SDK1: variants seen among roughly 807,000 people sequenced by gnomAD.
SDK1 encodes the protein sidekick cell adhesion molecule 1.
In SDK1, 157 loss-of-function variants were observed where a neutral mutation model predicts 245.5. The observed-to-expected ratio is 0.64, with a 90% confidence interval of 0.56 to 0.73. The LOEUF is 0.73. SDK1 is among the 30% of genes least tolerant of loss of function. SDK1 has a pLI of 0.00. For missense variants in SDK1, 3,583 were observed against 3,002.3 expected, an observed-to-expected ratio of 1.19 and a Z score of -4.52; for synonymous variants, 1,647 against 1,278.5, an observed-to-expected ratio of 1.29 and a Z score of -6.15.
intron 4 of SDK1, among the ~76,000 whole-genome samples, chr7:3,755,011 T>C (rs1779879559): frequency 6.6e-6 from 1 of 152,214 alleles, no homozygotes; most frequent in Non-Finnish European, 1.5e-5. Context: ...GTGGGCTTGC[T>C]TCTGTGGAAA....
At chr7:4,148,336 C>T (rs1780125965) in intron 29 of SDK1, among the ~76,000 whole-genome samples, 1 of 152,192 alleles carries the variant, frequency 6.6e-6, no homozygotes, top group African/African-American at 2.4e-5. Context: ...AACAATTATT[C>T]CTTCCGCCGC....
At chr7:3,958,619 G>T (rs926005745) in intron 7 of SDK1, among the ~76,000 whole-genome samples, 5 of 152,172 alleles carry the variant, frequency 3.3e-5, no homozygotes, top group Admixed American at 1.3e-4. Flanking sequence ...ATAAAATACG[G>T]TGCTGTAAAT....
At chr7:3,663,076 C>G (rs1001104948) in intron 4 of SDK1, among the ~76,000 whole-genome samples, 3 of 152,128 alleles carry the variant, frequency 2.0e-5, no homozygotes, top group Non-Finnish European at 4.4e-5. Flanking sequence ...TCATTTTGGA[C>G]TTTGAAGGAG....
chr7:3,966,365 A>C (rs1782081406), intron 9 of SDK1, among the ~76,000 whole-genome samples: 1 of 152,120 alleles, frequency 6.6e-6, no homozygotes, highest in South Asian at 2.1e-4. Flanking sequence ...CCCTCACAGA[A>C]GACTTGAGAG....
intron 1 of SDK1, among the ~76,000 whole-genome samples, chr7:3,447,362 A>T (rs1254592117): frequency 6.6e-6 from 1 of 152,126 alleles, no homozygotes; most frequent in Admixed American, 6.5e-5. Context: ...TCTCCAACTG[A>T]TGTTAACATT....
chr7:3,782,810 T>C (rs1302801272), intron 4 of SDK1, among the ~76,000 whole-genome samples: 1 of 152,266 alleles, frequency 6.6e-6, no homozygotes, highest in Non-Finnish European at 1.5e-5. Context: ...ATTGTAAAGT[T>C]GAAAAATTCT....
chr7:4,177,559 A>G (rs140491207), intron 34 of SDK1, among the ~76,000 whole-genome samples: 10 of 152,274 alleles, frequency 6.6e-5, no homozygotes, highest in Admixed American at 1.3e-4. Flanking sequence ...GTCTTACTCT[A>G]TCTGTTCATA....
intron 13 of SDK1, among the ~76,000 whole-genome samples, chr7:3,982,335 G>A (rs1401121859): frequency 2.6e-5 from 4 of 152,194 alleles, no homozygotes; most frequent in African/African-American, 7.2e-5. Context: ...TGATGGGAAT[G>A]TACAAGGAGA....
intron 5 of SDK1, among the ~76,000 whole-genome samples, chr7:3,841,208 T>A (rs1046583905): frequency 6.6e-6 from 1 of 152,178 alleles, no homozygotes; most frequent in Non-Finnish European, 1.5e-5. Flanking sequence ...ATGTATCAGG[T>A]GATCCAGAAG....
At chr7:3,324,890 T>G (rs1365252317) in intron 1 of SDK1, among the ~76,000 whole-genome samples, 2 of 152,204 alleles carry the variant, frequency 1.3e-5, no homozygotes, top group African/African-American at 4.8e-5. Context: ...CCTCCCATGC[T>G]TCATTTTTCC....
intron 4 of SDK1, among the ~76,000 whole-genome samples, chr7:3,753,746 A>G (rs780294623): frequency 5.3e-5 from 8 of 152,174 alleles, no homozygotes; most frequent in Non-Finnish European, 1.2e-4. Flanking sequence ...TGGTTGGTGA[A>G]GTGGCTTTTG....
chr7:3,506,425 CTTTG>C (rs1412266115), intron 1 of SDK1, among the ~76,000 whole-genome samples: 2 of 151,950 alleles, frequency 1.3e-5, no homozygotes, highest in Non-Finnish European at 2.9e-5. Flanking sequence ...CAGGAATTTT[CTTTG>C]TTATTATTCT....
chr7:4,054,741 G>C (rs1220920636), intron 19 of SDK1, among the ~76,000 whole-genome samples: 1 of 151,928 alleles, frequency 6.6e-6, no homozygotes, highest in Non-Finnish European at 1.5e-5. Flanking sequence ...TCACTGTTAA[G>C]GATTTTTTTT....
intron 4 of SDK1, 115 bp downstream of exon 4, chr7:3,642,220 G>C (rs1782673381): frequency 1.1e-6 from 1 of 888,072 alleles, no homozygotes; most frequent in African/African-American, 1.7e-5. Flanking sequence ...GAGCAAACTA[G>C]TCTAGGAGTC....
intron 1 of SDK1, among the ~76,000 whole-genome samples, chr7:3,347,306 A>G (rs1780535125): frequency 6.6e-6 from 1 of 152,090 alleles, no homozygotes; most frequent in African/African-American, 2.4e-5. Context: ...TATATGGAGC[A>G]GTATTTTTAT....
At chr7:3,861,605 G>C (rs1006772438) in intron 5 of SDK1, among the ~76,000 whole-genome samples, 5 of 152,098 alleles carry the variant, frequency 3.3e-5, no homozygotes, top group Admixed American at 6.5e-5. Flanking sequence ...TCACCAGAAG[G>C]GATGTCTGTT....
chr7:4,188,484 A>G (rs1783012606), intron 35 of SDK1, among the ~76,000 whole-genome samples: 1 of 152,006 alleles, frequency 6.6e-6, no homozygotes, highest in African/African-American at 2.4e-5. Context: ...AGAGCTTCTT[A>G]TATATTAGGG....
At chr7:3,428,966 C>A (rs1415474835) in intron 1 of SDK1, among the ~76,000 whole-genome samples, 2 of 152,118 alleles carry the variant, frequency 1.3e-5, no homozygotes, top group Non-Finnish European at 2.9e-5. Context: ...AATGACTGGA[C>A]CTTAAGCTTC....
chr7:3,905,261 G>A (rs887110176), intron 5 of SDK1, among the ~76,000 whole-genome samples: 7 of 151,802 alleles, frequency 4.6e-5, no homozygotes, highest in Non-Finnish European at 7.4e-5. Flanking sequence ...ACATTTAAAC[G>A]ACTTTCACTA....
Sources: gnomAD v4.1 joint callset for allele counts (sites outside exome capture counted in the v4.1 genomes callset) on GRCh38, gnomAD v4.1.1 for gene constraint, MANE v1.5 for transcripts, NCBI Gene and HGNC (gene_info 2026-07-23, HGNC 2026-07-21) for gene names.